USH2A: variants seen among roughly 807,000 people sequenced by gnomAD.
USH2A encodes Usher syndrome 2A (autosomal recessive, mild).
Under a neutral mutation model 538.9 loss-of-function variants are expected in USH2A, and 443 were observed. That is an observed-to-expected ratio of 0.82 (90% CI 0.76 to 0.89). The LOEUF (loss-of-function observed/expected upper bound fraction) is 0.89, where lower values mean the gene tolerates loss of function less well. USH2A is among the 40% of genes least tolerant of loss of function. The probability of loss-of-function intolerance (pLI) is 0.00; values close to 1 mark genes in which losing one functional copy is unlikely to be tolerated. For missense variants in USH2A, 6,633 were observed against 6,324.8 expected (o/e 1.05, Z -1.65); for synonymous variants, 2,413 against 2,273.5 (o/e 1.06, Z -1.75).
chr1:216,184,110 A>T (rs2034546076), intron 20 of USH2A, among the ~76,000 whole-genome samples: 1 of 152,018 alleles, frequency 6.6e-6, no homozygotes, highest in Non-Finnish European at 1.5e-5. Context: ...TTATCTTAGA[A>T]GTTACTTAAG....
intron 20 of USH2A, among the ~76,000 whole-genome samples, chr1:216,177,189 G>C (rs2102642979): frequency 6.6e-6 from 1 of 152,250 alleles, no homozygotes; most frequent in African/African-American, 2.4e-5. Context: ...GGCAATGAAT[G>C]AGCATTCCTT....
chr1:216,258,620 G>A (rs386654), intron 11 of USH2A, among the ~76,000 whole-genome samples: 37,167 of 151,932 alleles, frequency 0.24, 4,547 homozygotes, highest in East Asian at 0.26. Context: ...CTCTCCCTAA[G>A]TCGTGGTCTA....
At position 215,900,811 on chromosome 1, in the gene USH2A, G is replaced by A. The variant is rs1359997176; in HGVS notation, c.7395C>T (p.Gly2465=). ...WSTPARNNAP[G]SPRYQLQMRS... ...TCATCTGGAGTTGGTATCTGGGAGA[G>A]CCAGGAGCGTTATTACGAGCTGGTG... is the stretch of plus-strand genomic sequence containing the variant. Residue 2465 remains glycine (G), a synonymous_variant, in exon 39 of 72, where the codon GGC becomes GGT. Coordinates refer to ENST00000307340, the MANE Select transcript of USH2A (RefSeq NM_206933.4). The A allele has an allele frequency of 1.9e-6, 3 of 1,613,690 alleles. No individual in the cohort carries two copies. The highest frequency in any genetic ancestry group is 1.3e-5 in the African/African-American group (1 of 74,878).
intron 3 of USH2A, among the ~76,000 whole-genome samples, chr1:216,403,090 C>T (rs2039336405): frequency 6.6e-6 from 1 of 151,956 alleles, no homozygotes; most frequent in South Asian, 2.1e-4. Flanking sequence ...TATACTATGA[C>T]CAAGTAGGAT....
chr1:216,208,905 G>A (rs1434486219), intron 15 of USH2A, among the ~76,000 whole-genome samples: 4 of 152,134 alleles, frequency 2.6e-5, no homozygotes, highest in African/African-American at 9.7e-5. Flanking sequence ...GAAACTCAGT[G>A]CACAGGGTTT....
At chr1:215,839,057 C>G (rs1458103248) in intron 46 of USH2A, among the ~76,000 whole-genome samples, 1 of 151,940 alleles carries the variant, frequency 6.6e-6, no homozygotes, top group Non-Finnish European at 1.5e-5. Flanking sequence ...TCATAGGGTA[C>G]CTAAATGTTA....
chr1:216,351,750 A>G (rs181411308), intron 4 of USH2A, among the ~76,000 whole-genome samples: 1 of 152,224 alleles, frequency 6.6e-6, no homozygotes, highest in Admixed American at 6.5e-5. Context: ...GCAACCATGA[A>G]TTGGACTGGG....
chr1:216,172,646 C>T (rs2034294446), intron 21 of USH2A, among the ~76,000 whole-genome samples: 1 of 151,948 alleles, frequency 6.6e-6, no homozygotes, highest in African/African-American at 2.4e-5. Context: ...TTTTAAACAT[C>T]TAGCTTCTAG....
chr1:216,365,950 G>A (rs1022743742), intron 3 of USH2A, among the ~76,000 whole-genome samples: 1 of 152,052 alleles, frequency 6.6e-6, no homozygotes, highest in African/African-American at 2.4e-5. Flanking sequence ...TTGTTTATGC[G>A]ACTGGAGCCC....
At chr1:215,974,854 C>G (rs1238343595) in intron 35 of USH2A, among the ~76,000 whole-genome samples, 2 of 152,118 alleles carry the variant, frequency 1.3e-5, no homozygotes, top group African/African-American at 4.8e-5. Context: ...GGTACATACC[C>G]AGTAATGGGT....
At chr1:215,837,293 G>A (rs1663559363) in intron 47 of USH2A, among the ~76,000 whole-genome samples, 3 of 152,076 alleles carry the variant, frequency 2.0e-5, no homozygotes, top group Admixed American at 2.0e-4. Context: ...GCACATGTAA[G>A]AGAAGGGTGA....
chr1:216,066,392 G>T (rs1043518732), intron 30 of USH2A, among the ~76,000 whole-genome samples: 1 of 152,070 alleles, frequency 6.6e-6, no homozygotes, highest in Admixed American at 6.5e-5. Context: ...CGTAAACCTG[G>T]GAGGCGGAGC....
chr1:216,352,041 A>C (rs1314934479), intron 4 of USH2A, among the ~76,000 whole-genome samples: 1 of 152,164 alleles, frequency 6.6e-6, no homozygotes, highest in African/African-American at 2.4e-5. Context: ...TGAAATGTAA[A>C]TTAAACATTC....
At chr1:216,006,193 C>A (rs1668386372) in intron 32 of USH2A, among the ~76,000 whole-genome samples, 1 of 152,122 alleles carries the variant, frequency 6.6e-6, no homozygotes, top group Non-Finnish European at 1.5e-5. Flanking sequence ...AGCATAGTTA[C>A]ACCTACTACT....
At chr1:215,804,259 G>A (rs959052179) in intron 49 of USH2A, among the ~76,000 whole-genome samples, 104 of 151,974 alleles carry the variant, frequency 6.8e-4, no homozygotes, top group Non-Finnish European at 1.2e-3. Context: ...AAAAGCAATG[G>A]CAACAAAAGC....
chr1:215,768,091 C>G (rs1177700776), intron 55 of USH2A, among the ~76,000 whole-genome samples: 1 of 152,196 alleles, frequency 6.6e-6, no homozygotes, highest in South Asian at 2.1e-4. Flanking sequence ...GTCACTTTGT[C>G]TATTTATGCA....
chr1:215,813,196 T>A (rs1218629120), intron 49 of USH2A, among the ~76,000 whole-genome samples: 1 of 152,204 alleles, frequency 6.6e-6, no homozygotes, highest in Non-Finnish European at 1.5e-5. Flanking sequence ...AGTTGGCTAA[T>A]ACTAAAAAGG....
intron 21 of USH2A, among the ~76,000 whole-genome samples, chr1:216,140,510 C>T (rs2033581827): frequency 6.6e-6 from 1 of 152,134 alleles, no homozygotes; most frequent in Non-Finnish European, 1.5e-5. Context: ...CCTATGAGTG[C>T]AGCCATAATA....
chr1:216,200,974 T>TCCCTCCCC (rs1263500056), intron 16 of USH2A, among the ~76,000 whole-genome samples: 2 of 11,354 alleles, frequency 1.8e-4, no homozygotes, highest in Non-Finnish European at 3.4e-4. Context: ...CCTCCCCCCA[T>TCCCTCCCC]CCATCCCTCC....
Sources: gnomAD v4.1 joint callset for allele counts (sites outside exome capture counted in the v4.1 genomes callset) on GRCh38, gnomAD v4.1.1 for gene constraint, MANE v1.5 for transcripts, NCBI Gene and HGNC (gene_info 2026-07-23, HGNC 2026-07-21) for gene names.